Variants in ZBTB5 observed in about 807,000 individuals in gnomAD.
ZBTB5 encodes the protein zinc finger and BTB domain-containing protein 5.
ZBTB5 carries 15 observed loss-of-function variants against 37.9 expected under a neutral mutation model. The observed-to-expected ratio is 0.40, with a 90% CI of 0.26 to 0.61. The LOEUF (loss-of-function observed/expected upper bound fraction) is 0.61. Among genes scored for constraint, ZBTB5 ranks in the 20% least tolerant of loss-of-function variants. ZBTB5 has a pLI of 0.47. For synonymous variants in ZBTB5, 315 were observed against 312.4 expected (o/e 1.01, Z -0.09); for missense variants, 708 against 856.8 (o/e 0.83, Z 2.17).
chr9:37,440,130 TA>T lies in ZBTB5; in HGVS notation c.*387del, dbSNP rs1379762837. 4.1e-6 allele frequency: 1 copy of T among 241,890 alleles called. No homozygotes were observed. The highest frequency in any genetic ancestry group is 2.3e-5 in the African/African-American group (1 of 43,578). The allele number at this position is 241,890 out of a possible 1,614,324, so 15.0% of individuals were successfully genotyped here. A position where few individuals can be genotyped will look rare whatever the true frequency, so the allele number is the denominator to read the frequency against. ...CACATAAGTGCATTTTGCATCACTA[TA>T]CAGGGATATAATACTCCCATCAGAA... On this transcript the variant is annotated 3_prime_UTR_variant, in exon 2 of 2. Transcript: ENST00000307750.
At chr9:37,463,363 A>T (rs551678388) in intron 1 of ZBTB5, among the ~76,000 whole-genome samples, 64 of 152,324 alleles carry the variant, frequency 4.2e-4, no homozygotes, top group African/African-American at 1.4e-3. Context: ...GTAAAAGAAA[A>T]ATCACACGCT....
chr9:37,454,813 T>C (rs1051768448), intron 1 of ZBTB5, among the ~76,000 whole-genome samples: 1 of 152,236 alleles, frequency 6.6e-6, no homozygotes, highest in Non-Finnish European at 1.5e-5. Context: ...ATCAAGTAAT[T>C]TGCTGCTTGC....
intron 1 of ZBTB5, among the ~76,000 whole-genome samples, chr9:37,449,251 A>G (rs1273509211): frequency 1.3e-5 from 2 of 152,192 alleles, no homozygotes; most frequent in African/African-American, 4.8e-5. Context: ...AAAAATAAAT[A>G]AATAGTTTCC....
intron 1 of ZBTB5, among the ~76,000 whole-genome samples, chr9:37,454,207 A>G (rs1824149496): frequency 6.6e-6 from 1 of 152,198 alleles, no homozygotes; most frequent in South Asian, 2.1e-4. Context: ...AAAATTTGCT[A>G]TTATCTGCTC....
intron 1 of ZBTB5, among the ~76,000 whole-genome samples, chr9:37,460,194 T>C (rs1057187409): frequency 1.3e-4 from 20 of 151,726 alleles, no homozygotes; most frequent in Admixed American, 9.2e-4. Flanking sequence ...TCCCAGCACT[T>C]TGGGAGGCCG....
chr9:37,439,599 A>G lies in ZBTB5; in HGVS notation c.*919T>C, dbSNP rs1170882353. 1 of 152,184 alleles carries G rather than the reference A, an allele frequency of 6.6e-6. No individual in the cohort carries two copies. The highest frequency in any genetic ancestry group is 1.5e-5 in the Non-Finnish European group (1 of 68,034). 9.4% of individuals were successfully genotyped at this position (152,184 alleles called of 1,614,324 possible). On this transcript the variant is annotated 3_prime_UTR_variant, in exon 2 of 2. Coordinates refer to ENST00000307750, the MANE Select transcript of ZBTB5 (RefSeq NM_014872.3). The stretch of plus-strand genomic sequence containing the variant: ...GAGAACAGGCTTGTCCTCGGGTAGG[A>G]TGTGTCAGCCTAGACTGGCCCTCAA...
chr9:37,462,592 ACT>A (rs889913169), intron 1 of ZBTB5, among the ~76,000 whole-genome samples: 1 of 140,336 alleles, frequency 7.1e-6, no homozygotes, highest in African/African-American at 2.7e-5. Flanking sequence ...ACAGGGTCTC[ACT>A]CTGTCTCCAA....
At position 37,442,387 on chromosome 9, in the gene ZBTB5, C is replaced by T. The variant is rs1564310073; in HGVS notation, c.165G>A (p.Val55=). 3 of 1,614,166 alleles carry T rather than the reference C, an allele frequency of 1.9e-6. No individual in the cohort carries two copies. The highest frequency in any genetic ancestry group is 1.7e-5 in the Admixed American group (1 of 60,018). The change falls in exon 2 of 2, where the codon GTG becomes GTA. Residue 55 remains valine (V), a synonymous_variant. Coordinates refer to ENST00000307750, the MANE Select transcript of ZBTB5 (RefSeq NM_014872.3). ...TGTTCATGGTCTGATCTCCTTCTGCCACTGAGAACAGGGCTCGGAAATGCG... is the reference window on the plus strand; with the variant it reads ...TGTTCATGGTCTGATCTCCTTCTGCTACTGAGAACAGGGCTCGGAAATGCG... ...CSTHFRALFS[V]AEGDQTMNMI...
At chr9:37,451,720 A>G (rs1824107802) in intron 1 of ZBTB5, among the ~76,000 whole-genome samples, 1 of 152,132 alleles carries the variant, frequency 6.6e-6, no homozygotes, top group South Asian at 2.1e-4. Flanking sequence ...TTTATCCTTA[A>G]AAGAGTTTTT....
chr9:37,464,383 C>T (rs140592587), intron 1 of ZBTB5, among the ~76,000 whole-genome samples: 444 of 152,338 alleles, frequency 2.9e-3, no homozygotes, highest in Non-Finnish European at 4.5e-3. Flanking sequence ...GAAGATACTA[C>T]TTAGTAATCA....
In ZBTB5 at chr9:37,446,950, C is replaced by T. The variant is rs530732072; in HGVS notation, c.-4-4395G>A. Reference sequence around the variant, plus strand: ...CAAGACTCAGAGTTGCTCTTCTAAGCGACCATGGAAGCTTGGGCTCAACAG... The same window carrying T: ...CAAGACTCAGAGTTGCTCTTCTAAGTGACCATGGAAGCTTGGGCTCAACAG... On this transcript the variant is annotated intron_variant, in intron 1 of 1. Transcript: ENST00000307750. Among the ~76,000 whole-genome samples, 4 of 152,272 alleles carry T rather than the reference C, an allele frequency of 2.6e-5. 1 individual carries two copies. The highest frequency in any genetic ancestry group is 2.6e-4 in the Admixed American group (4 of 15,292).
intron 1 of ZBTB5, among the ~76,000 whole-genome samples, chr9:37,445,865 C>CT (rs1823967766): frequency 6.6e-6 from 1 of 151,944 alleles, no homozygotes; most frequent in Non-Finnish European, 1.5e-5. Flanking sequence ...CTTTGGGAGA[C>CT]TGAGGCGGGC....
intron 1 of ZBTB5, among the ~76,000 whole-genome samples, chr9:37,446,530 A>G (rs577860503): frequency 6.6e-6 from 1 of 152,364 alleles, no homozygotes; most frequent in East Asian, 1.9e-4. Flanking sequence ...TGAACTTTCA[A>G]CAACAAAATA....
intron 1 of ZBTB5, among the ~76,000 whole-genome samples, chr9:37,456,967 T>C (rs57834496): frequency 0.027 from 4,175 of 152,318 alleles, 199 homozygotes; most frequent in African/African-American, 0.093. Context: ...GAAAGTCCCT[T>C]AAGCCCTCAC....
intron 1 of ZBTB5, among the ~76,000 whole-genome samples, chr9:37,455,945 G>A (rs1019689051): frequency 1.3e-5 from 2 of 149,090 alleles, no homozygotes; most frequent in Non-Finnish European, 3.0e-5. Context: ...TGCAGGCTAG[G>A]ATTTTTTTTT....
rs565916167 is a variant in ZBTB5 at position 37,444,516 on chromosome 9, T to A, written c.-4-1961A>T. 2.6e-5 allele frequency among the ~76,000 whole-genome samples: 4 copies of A among 152,266 alleles called. No homozygotes were observed. The East Asian group carries it at 7.7e-4, about 29-fold the overall frequency. On this transcript the variant is annotated intron_variant, in intron 1 of 1. Coordinates refer to ENST00000307750, the MANE Select transcript of ZBTB5 (RefSeq NM_014872.3). ...CGCCCGGCCAAGAAATGGTATTTTT[T>A]AAATTTTGAGAACTGAAGAAATTTG...
chr9:37,463,216 C>G (rs1055841262), intron 1 of ZBTB5, among the ~76,000 whole-genome samples: 1 of 152,256 alleles, frequency 6.6e-6, no homozygotes, highest in Admixed American at 6.5e-5. Flanking sequence ...TCAGAAACAG[C>G]TGGTCTTTTA....
intron 1 of ZBTB5, among the ~76,000 whole-genome samples, chr9:37,461,624 A>C (rs1824294933): frequency 6.6e-6 from 1 of 152,166 alleles, no homozygotes; most frequent in Non-Finnish European, 1.5e-5. Context: ...GCTACTCAGG[A>C]GGCTGAGACA....
intron 1 of ZBTB5, among the ~76,000 whole-genome samples, chr9:37,446,777 A>G (rs940549694): frequency 1.7e-4 from 26 of 152,260 alleles, no homozygotes; most frequent in Admixed American, 7.9e-4. Context: ...ATTACTGCTC[A>G]TTAAGTCTAT....
Sources: allele counts gnomAD v4.1 joint callset (sites outside exome capture counted in the v4.1 genomes callset), GRCh38; gene constraint gnomAD v4.1.1; transcripts MANE v1.5; gene names NCBI Gene and HGNC (gene_info 2026-07-23, HGNC 2026-07-21).